DCUN1D2: variants seen among roughly 807,000 people sequenced by gnomAD.
DCUN1D2 encodes the protein DCN1-like protein 2.
DCUN1D2 carries 29 observed loss-of-function variants against 30.9 expected under a neutral mutation model. The ratio of observed to expected loss-of-function variants is 0.94; its 90% confidence interval spans 0.70 to 1.28. DCUN1D2 has a LOEUF of 1.28. Ranked by LOEUF, DCUN1D2 falls within the 50% of genes most tolerant of loss-of-function variation. The probability of loss-of-function intolerance (pLI) is 0.00; values close to 1 mark genes in which losing one functional copy is unlikely to be tolerated. For missense variants in DCUN1D2, 325 were observed against 316.9 expected (o/e 1.03, Z -0.19); for synonymous variants, 121 against 115.3 (o/e 1.05, Z -0.32).
rs563936650 is a variant in DCUN1D2 at position 113,473,506 on chromosome 13, G to A, written c.520+618C>T. ...AAAGTGGGCTGAATTGTTGGTATGC[G>A]GGCTGGGTCTATGTGGCACAGAGAG... is the stretch of plus-strand genomic sequence containing the variant. On this transcript the variant is annotated intron_variant, in intron 4 of 6. Coordinates refer to ENST00000478244, the MANE Select transcript of DCUN1D2 (RefSeq NM_001014283.2). Among the ~76,000 whole-genome samples, 32 of 152,276 alleles carry A rather than the reference G, an allele frequency of 2.1e-4. 1 individual carries two copies. The South Asian group carries it at 5.8e-3, about 28-fold the overall frequency.
intron 3 of DCUN1D2, among the ~76,000 whole-genome samples, chr13:113,474,470 T>G (rs2044578819): frequency 6.6e-6 from 1 of 152,186 alleles, no homozygotes; most frequent in African/African-American, 2.4e-5. Flanking sequence ...CAAAACGTTC[T>G]GAGACAGATA....
At chr13:113,461,750 C>T (rs993125333) in intron 4 of DCUN1D2, among the ~76,000 whole-genome samples, 2 of 152,208 alleles carry the variant, frequency 1.3e-5, no homozygotes, top group African/African-American at 2.4e-5. Context: ...TCTTTTCCCA[C>T]ACGGGAAGGT....
chr13:113,474,123 C>T lies in DCUN1D2; in HGVS notation c.520+1G>A. ...TTTACGTATTTGGATTTCATACTCA[C>T]CTAAACCTTTCTGCCCTGGGTTCTT... On this transcript the variant is annotated splice_donor_variant, in intron 4 of 6. Coordinates refer to ENST00000478244, the MANE Select transcript of DCUN1D2 (RefSeq NM_001014283.2). LOFTEE classifies it high-confidence loss of function. The T allele has an allele frequency of 6.2e-7, 1 of 1,613,676 alleles. No individual in the cohort carries two copies. Among genetic ancestry groups the T allele is most frequent in the Non-Finnish European group, 8.5e-7 (1 of 1,179,654 alleles).
chr13:113,475,900 TG>T (rs1295613967), intron 3 of DCUN1D2: 3 of 152,276 alleles, frequency 2.0e-5, no homozygotes, highest in African/African-American at 7.2e-5. Context: ...ATCAGACTTC[TG>T]GGCCAGGCCC....
chr13:113,462,808 T>C (rs753705461), intron 4 of DCUN1D2: 3 of 1,198,072 alleles, frequency 2.5e-6, no homozygotes, highest in African/African-American at 3.3e-5. Flanking sequence ...TACATCCTTA[T>C]CACTTAGGAA....
In DCUN1D2 at chr13:113,459,363, G is replaced by T; in HGVS notation, c.649C>A (p.Leu217Met). 1 of 1,605,314 alleles carries T rather than the reference G, an allele frequency of 6.2e-7. No homozygotes were observed. Among genetic ancestry groups the T allele is most frequent in the Non-Finnish European group, 8.5e-7 (1 of 1,172,162 alleles). Residue 217 changes from leucine (L) to methionine (M), a missense_variant, in exon 6 of 7, where the codon CTG (leucine) becomes ATG (methionine). By Grantham distance (15) the Leu-to-Met change is conservative. Transcript: ENST00000478244. ...TCCGCAATCATGTTTCCAAAGTCCA[G>T]CAGGAGGTTCCAGGTGTCCCTTGGA... ...SIPRDTWNLL[L>M]DFGNMIADDM... is the part of the protein sequence containing the mutation.
chr13:113,480,556 C>A lies in DCUN1D2; in HGVS notation c.389+19G>T. 1 of 1,613,320 alleles carries A rather than the reference C, an allele frequency of 6.2e-7. No individual in the cohort carries two copies. Among genetic ancestry groups the A allele is most frequent in the Middle Eastern group, 1.7e-4 (1 of 6,060 alleles). On this transcript the variant is annotated intron_variant, in intron 3 of 6. Transcript: ENST00000478244. ...ATTTTCATTTCTGAAAACATTTAAG[C>A]TAAGAATAGTTGACTTACCCAAGTT...
chr13:113,469,479 A>T (rs1173441521), intron 4 of DCUN1D2, among the ~76,000 whole-genome samples: 1 of 152,128 alleles, frequency 6.6e-6, no homozygotes, highest in Non-Finnish European at 1.5e-5. Context: ...CAGCAGTTTG[A>T]GACCAGCCCG....
At chr13:113,469,410 T>C (rs1414648287) in intron 4 of DCUN1D2, among the ~76,000 whole-genome samples, 2 of 152,144 alleles carry the variant, frequency 1.3e-5, no homozygotes, top group African/African-American at 4.8e-5. Context: ...GCTGAAACCA[T>C]GGCTCACGCC....
chr13:113,483,955 C>G lies in DCUN1D2; in HGVS notation c.105G>C (p.Trp35Cys). ...AGCTGTCCGTGGCCTCGTCTAGTCT[C>G]CACTCATTCTGCGTTAAGCAGTAGA... Reference protein sequence around the residue: ...TAIYCLTQNEWRLDEATDSFF... With the variant: ...TAIYCLTQNECRLDEATDSFF... The change falls in exon 2 of 7, where the codon TGG (tryptophan) becomes TGC (cysteine). Residue 35 changes from tryptophan (W) to cysteine (C), a missense_variant. Trp to Cys is a radical substitution (Grantham distance 215). Transcript: ENST00000478244. The G allele has an allele frequency of 6.2e-7, 1 of 1,614,214 alleles. No individual in the cohort carries two copies. Among genetic ancestry groups the G allele is most frequent in the East Asian group, 2.2e-5 (1 of 44,884 alleles).
chr13:113,463,364 G>C (rs1198743010), intron 4 of DCUN1D2, among the ~76,000 whole-genome samples: 1 of 152,038 alleles, frequency 6.6e-6, no homozygotes, highest in Admixed American at 6.6e-5. Flanking sequence ...ATAAAAATTA[G>C]CTCTCATGAA....
intron 6 of DCUN1D2, among the ~76,000 whole-genome samples, chr13:113,458,931 A>G (rs1179533056): frequency 6.6e-6 from 1 of 152,186 alleles, no homozygotes; most frequent in African/African-American, 2.4e-5. Context: ...ATGTGGAGAT[A>G]TATTTATGCA....
At chr13:113,483,787 AGG>A in intron 2 of DCUN1D2, 51 bp downstream of exon 2, 1 of 1,566,872 alleles carries the variant, frequency 6.4e-7, no homozygotes, top group African/African-American at 1.3e-5. Flanking sequence ...TGCAGCGCGC[AGG>A]CCGCTCGCGG....
rs756193751 is a variant in DCUN1D2 at position 113,480,593 on chromosome 13, T to C, written c.371A>G (p.Asp124Gly). ...QCEFSRKEFL[D>G]GMTELGCDSM... ...GACTTACCCAAGTTCTGTCATGCCA[T>C]CTAGAAATTCCTTTCTGCTAAATTC... Residue 124 changes from aspartate to glycine, a missense_variant, in exon 3 of 7, where the codon GAT (aspartate) becomes GGT (glycine). By Grantham distance (94) the Asp-to-Gly change is moderately conservative. Transcript: ENST00000478244. 6.2e-7 allele frequency: 1 copy of C among 1,614,140 alleles called. No homozygotes were observed. Among genetic ancestry groups the C allele is most frequent in the South Asian group, 1.1e-5 (1 of 91,074 alleles).
In DCUN1D2 at chr13:113,459,738, A is replaced by G. The variant is rs920553416; in HGVS notation, c.604-330T>C. On this transcript the variant is annotated intron_variant, in intron 5 of 6. Transcript: ENST00000478244. The stretch of plus-strand genomic sequence containing the variant: ...ATATATATATTCACGAACAGCTCAT[A>G]AGCTTGTCTTACATTTTAAAACATT... 4.2e-4 allele frequency among the ~76,000 whole-genome samples: 64 copies of G among 152,200 alleles called. 1 individual carries two copies. Among genetic ancestry groups the G allele is most frequent in the Admixed American group, 2.1e-3 (32 of 15,274 alleles).
chr13:113,461,624 C>T (rs1353652489), intron 4 of DCUN1D2, among the ~76,000 whole-genome samples: 3 of 152,204 alleles, frequency 2.0e-5, no homozygotes, highest in Admixed American at 6.5e-5. Flanking sequence ...TTACAGCGGC[C>T]TTATGAGGGC....
chr13:113,476,439 T>C (rs773988919), intron 3 of DCUN1D2, among the ~76,000 whole-genome samples: 1 of 152,238 alleles, frequency 6.6e-6, no homozygotes, highest in Non-Finnish European at 1.5e-5. Flanking sequence ...TTAAGCATCT[T>C]ATACCTTAAC....
At position 113,490,710 on chromosome 13, in the gene DCUN1D2, G is replaced by A; in HGVS notation, c.-41C>T. 8.3e-7 allele frequency: 1 copy of A among 1,198,096 alleles called. No individual in the cohort carries two copies. Among genetic ancestry groups the A allele is most frequent in the African/African-American group, 1.6e-5 (1 of 62,328 alleles). The allele number at this position is 1,198,096 out of a possible 1,614,324, so 74.2% of individuals were successfully genotyped here. ...CGCTTCTGGCCGGCCCCGGCCTTCT[G>A]CGCAGGCGCGGCGGCGGCTCCGCCC... On this transcript the variant is annotated 5_prime_UTR_variant, in exon 1 of 7. Transcript: ENST00000478244. This position sits in a 1 kb window ranked among gnomAD's most constrained non-coding sequence, Gnocchi z 5.2.
At chr13:113,459,451 C>T (rs1426578185) in intron 5 of DCUN1D2, 43 bp from the exon 6 acceptor site, 3 of 880,590 alleles carry the variant, frequency 3.4e-6, no homozygotes. Flanking sequence ...GTTTAAAATA[C>T]AGAGCTTAAC....
Sources: gnomAD v4.1 joint callset for allele counts (sites outside exome capture counted in the v4.1 genomes callset) on GRCh38, gnomAD v4.1.1 for gene constraint, Gnocchi (gnomAD v3.1) non-coding constraint, MANE v1.5 for transcripts, NCBI Gene and HGNC (gene_info 2026-07-23, HGNC 2026-07-21) for gene names.